Variants in CAPZB observed in about 807,000 individuals in gnomAD.
CAPZB encodes the protein capping actin protein of muscle Z-line subunit beta.
CAPZB carries 2 observed loss-of-function variants against 38.1 expected under a neutral mutation model. The observed-to-expected ratio is 0.05, with a 90% CI of 0.02 to 0.17. The LOEUF (loss-of-function observed/expected upper bound fraction) is 0.17, where lower values mean the gene tolerates loss of function less well. Among genes scored for constraint, CAPZB ranks in the 10% least tolerant of loss-of-function variants. The pLI is 1.00. For missense variants in CAPZB, 161 were observed against 334.2 expected, an observed-to-expected ratio of 0.48 and a Z score of 4.04; for synonymous variants, 107 against 127.4, an observed-to-expected ratio of 0.84 and a Z score of 1.08.
At chr1:19,409,341 T>A (rs1463906402) in intron 2 of CAPZB, among the ~76,000 whole-genome samples, 1 of 151,886 alleles carries the variant, frequency 6.6e-6, no homozygotes, top group Non-Finnish European at 1.5e-5. Context: ...CAGGTCACAG[T>A]CCAACAAGAA....
rs542924685 is a variant in CAPZB at position 19,396,085 on chromosome 1, C to T, written c.94-10459G>A. On this transcript the variant is annotated intron_variant, in intron 2 of 8. Coordinates refer to ENST00000264202, the MANE Select transcript of CAPZB (RefSeq NM_004930.5). ...CTCTTCCACTGCAACCTCCCAAAGC[C>T]GCGACGGCAGAGGCCGTTGCCCCGC... 2.6e-5 allele frequency among the ~76,000 whole-genome samples: 4 copies of T among 152,334 alleles called. No homozygotes were observed. The East Asian group carries it at 7.7e-4, about 29-fold the overall frequency.
At chr1:19,441,748 C>T (rs1387462557) in intron 1 of CAPZB, among the ~76,000 whole-genome samples, 1 of 151,890 alleles carries the variant, frequency 6.6e-6, no homozygotes, top group Admixed American at 6.5e-5. Flanking sequence ...TGGCTCATGC[C>T]TATAATCCCA....
In CAPZB at chr1:19,485,538, A is replaced by C; in HGVS notation, c.-100T>G. 3.0e-6 allele frequency: 3 copies of C among 998,104 alleles called. No individual in the cohort carries two copies. Among genetic ancestry groups the C allele is most frequent in the Non-Finnish European group, 2.6e-6 (2 of 778,688 alleles). The allele number at this position is 998,104 out of a possible 1,614,324, so 61.8% of individuals were successfully genotyped here. A position where few individuals can be genotyped will look rare whatever the true frequency, so the allele number is the denominator to read the frequency against. On this transcript the variant is annotated 5_prime_UTR_variant, in exon 1 of 9. An upstream start codon of the reference 5' UTR is lost. Transcript: ENST00000264202. ...CTTCCCCGGGTGCCCAGGAGTGAAC[A>C]TCCGGGTCAGCACCCCCCTCCCCCC...
intron 1 of CAPZB, among the ~76,000 whole-genome samples, chr1:19,422,820 G>C (rs528562071): frequency 1.3e-3 from 194 of 151,886 alleles, no homozygotes; most frequent in Non-Finnish European, 2.4e-3. Flanking sequence ...CTAGATATTA[G>C]CAATCCTCCT....
At chr1:19,445,390 T>C (rs903388006) in intron 1 of CAPZB, among the ~76,000 whole-genome samples, 1 of 151,974 alleles carries the variant, frequency 6.6e-6, no homozygotes, top group African/African-American at 2.4e-5. Flanking sequence ...ATTCTCTTTA[T>C]ACATTTTGGC....
intron 4 of CAPZB, among the ~76,000 whole-genome samples, chr1:19,372,791 T>G (rs1316209641): frequency 2.0e-5 from 3 of 152,126 alleles, no homozygotes; most frequent in African/African-American, 7.2e-5. Context: ...GCCTCAGTGC[T>G]CAGTTCTCGT....
chr1:19,395,890 GGAGAAGCTGCCGC>G (rs751965466), intron 2 of CAPZB, among the ~76,000 whole-genome samples: 3 of 152,258 alleles, frequency 2.0e-5, no homozygotes, highest in Non-Finnish European at 4.4e-5. Context: ...CCAGCCGGCA[GGAGAAGCTGCCGC>G]CTACAGCCAG....
At chr1:19,430,765 G>A (rs2094439359) in intron 1 of CAPZB, among the ~76,000 whole-genome samples, 1 of 152,142 alleles carries the variant, frequency 6.6e-6, no homozygotes, top group African/African-American at 2.4e-5. Flanking sequence ...TCCCTGAGCC[G>A]TGCACTGAAG....
chr1:19,391,862 A>G (rs969822793), intron 2 of CAPZB, among the ~76,000 whole-genome samples: 4 of 152,230 alleles, frequency 2.6e-5, no homozygotes, highest in Non-Finnish European at 5.9e-5. Context: ...CTCTGACAGC[A>G]AAGTCCAGCC....
intron 3 of CAPZB, among the ~76,000 whole-genome samples, chr1:19,380,279 A>G (rs1192723150): frequency 6.6e-6 from 1 of 152,222 alleles, no homozygotes; most frequent in Non-Finnish European, 1.5e-5. Flanking sequence ...GATCACCTCA[A>G]AGCAGAAGGA....
At position 19,465,899 on chromosome 1, in the gene CAPZB, T is replaced by C. The variant is rs79736030; in HGVS notation, c.3+19537A>G. 3.6e-3 allele frequency among the ~76,000 whole-genome samples: 547 copies of C among 152,272 alleles called. 5 individuals are homozygous for C. The highest frequency in any genetic ancestry group is 8.1e-3 in the East Asian group (42 of 5,182). On this transcript the variant is annotated intron_variant, in intron 1 of 8. Transcript: ENST00000264202. Reference sequence around the variant, plus strand: ...CCAACAACATGTACGGAGCCCTATATGTGCTAGGTATGACAGGCCTTCTTA... The same window carrying C: ...CCAACAACATGTACGGAGCCCTATACGTGCTAGGTATGACAGGCCTTCTTA...
At chr1:19,380,351 G>C (rs534704550) in intron 3 of CAPZB, among the ~76,000 whole-genome samples, 48 of 152,346 alleles carry the variant, frequency 3.2e-4, no homozygotes, top group South Asian at 6.2e-4. Flanking sequence ...TTTTGGTAGA[G>C]ACTTTGCAAG....
intron 2 of CAPZB, among the ~76,000 whole-genome samples, chr1:19,395,888 CAGGAGA>C (rs2094264957): frequency 1.3e-5 from 2 of 152,224 alleles, no homozygotes; most frequent in Non-Finnish European, 2.9e-5. Context: ...AGCCAGCCGG[CAGGAGA>C]AGCTGCCGCC....
chr1:19,442,009 C>CAAAAA lies in CAPZB; in HGVS notation c.4-22264_4-22260dup, dbSNP rs11384902. Among the ~76,000 whole-genome samples, 14 of 86,042 alleles carry CAAAAA rather than the reference C, an allele frequency of 1.6e-4. 1 individual carries two copies. Among genetic ancestry groups the CAAAAA allele is most frequent in the African/African-American group, 5.8e-4 (12 of 20,522 alleles). 56.4% of individuals were successfully genotyped at this position (86,042 alleles called of 152,430 possible). On this transcript the variant is annotated intron_variant, in intron 1 of 8. Transcript: ENST00000264202. The stretch of plus-strand genomic sequence containing the variant: ...GGGCGACAGAGCAAGACTCTGTCTC[C>CAAAAA]AAAAAAAAAAAAAAAAAAAGCACAG...
At chr1:19,374,630 C>A (rs886969036) in intron 4 of CAPZB, among the ~76,000 whole-genome samples, 3 of 152,240 alleles carry the variant, frequency 2.0e-5, no homozygotes, top group African/African-American at 7.2e-5. Flanking sequence ...GTGGCTTCTC[C>A]GGCCACTCCC....
In CAPZB at chr1:19,414,784, T is replaced by C. The variant is rs916000700; in HGVS notation, c.93+4877A>G. Among the ~76,000 whole-genome samples the C allele has an allele frequency of 2.6e-5, 4 of 152,326 alleles. No individual in the cohort carries two copies. The South Asian group carries it at 8.3e-4, about 32-fold the overall frequency. The stretch of plus-strand genomic sequence containing the variant: ...CCAAGTTTATGAAGCCAAGGGAACA[T>C]CTTCACATCATATGATTCTTGGCCC... On this transcript the variant is annotated intron_variant, in intron 2 of 8. Coordinates refer to ENST00000264202, the MANE Select transcript of CAPZB (RefSeq NM_004930.5).
At chr1:19,350,157 C>G (rs1264054525) in intron 6 of CAPZB, among the ~76,000 whole-genome samples, 1 of 152,264 alleles carries the variant, frequency 6.6e-6, no homozygotes, top group Non-Finnish European at 1.5e-5. Context: ...TGTATTACAC[C>G]TCCCACTGCC....
chr1:19,474,707 T>C (rs2094600967), intron 1 of CAPZB, among the ~76,000 whole-genome samples: 2 of 151,892 alleles, frequency 1.3e-5, no homozygotes, highest in South Asian at 4.1e-4. Flanking sequence ...GAGGAGAAAA[T>C]GGACCAGAAA....
intron 1 of CAPZB, among the ~76,000 whole-genome samples, chr1:19,422,999 G>C (rs183774231): frequency 1.3e-5 from 2 of 152,030 alleles, no homozygotes; most frequent in Admixed American, 1.3e-4. Context: ...CCCTTCTTCG[G>C]TGCCTGTTCA....
Sources: allele counts gnomAD v4.1 joint callset (sites outside exome capture counted in the v4.1 genomes callset), GRCh38; gene constraint gnomAD v4.1.1; transcripts MANE v1.5; gene names NCBI Gene and HGNC (gene_info 2026-07-23, HGNC 2026-07-21).